Variants in BCAS3 observed in about 807,000 individuals in gnomAD.
BCAS3 encodes BCAS4/BCAS3 fusion.
A neutral mutation model predicts 116.1 loss-of-function variants in BCAS3; 53 were observed. The ratio of observed to expected loss-of-function variants is 0.46; its 90% CI spans 0.37 to 0.57. The LOEUF (loss-of-function observed/expected upper bound fraction) is 0.57, where lower values mean the gene tolerates loss of function less well. BCAS3 is among the 20% of genes least tolerant of loss of function. The pLI, the probability that BCAS3 is intolerant of heterozygous loss-of-function variation, is 0.00. For synonymous variants in BCAS3, 391 were observed against 408.2 expected, an observed-to-expected ratio of 0.96 and a Z score of 0.51; for missense variants, 917 against 1,165.4, an observed-to-expected ratio of 0.79 and a Z score of 3.10.
intron 7 of BCAS3, among the ~76,000 whole-genome samples, chr17:60,815,902 T>G (rs1451942557): frequency 6.6e-6 from 1 of 152,238 alleles, no homozygotes; most frequent in East Asian, 1.9e-4. Context: ...TAGGAGACCC[T>G]CGAATATATA....
At position 60,709,338 on chromosome 17, in the gene BCAS3, G is replaced by T; in HGVS notation, c.321+13G>T. The T allele has an allele frequency of 2.1e-6, 3 of 1,432,346 alleles. No homozygotes were observed. Among genetic ancestry groups the T allele is most frequent in the Middle Eastern group, 1.7e-4 (1 of 5,754 alleles). 88.7% of individuals were successfully genotyped at this position (1,432,346 alleles called of 1,614,324 possible). A position where few individuals can be genotyped will look rare whatever the true frequency, so the allele number is the denominator to read the frequency against. ...CTGGAGCATCCCTGTAAGTACACATGTGGTTGAATACCTAAAACATACTTC... is the reference window on the plus strand; with the variant it reads ...CTGGAGCATCCCTGTAAGTACACATTTGGTTGAATACCTAAAACATACTTC... On this transcript the variant is annotated intron_variant, in intron 5 of 23. Coordinates refer to ENST00000407086, the MANE Select transcript of BCAS3 (RefSeq NM_017679.5).
At chr17:60,984,220 A>G (rs2062984839) in intron 14 of BCAS3, among the ~76,000 whole-genome samples, 1 of 152,234 alleles carries the variant, frequency 6.6e-6, no homozygotes, top group Non-Finnish European at 1.5e-5. Flanking sequence ...GCAGTTTTCT[A>G]GCAATGAAGT....
chr17:61,267,271 A>G (rs1602293404), intron 22 of BCAS3, among the ~76,000 whole-genome samples: 1 of 146,188 alleles, frequency 6.8e-6, no homozygotes, highest in South Asian at 2.3e-4. Context: ...GTTAGCCAGG[A>G]TGGTCTCGAT....
At position 60,990,198 on chromosome 17, in the gene BCAS3, A is replaced by T; in HGVS notation, c.1449A>T (p.Pro483=). 1 of 1,614,172 alleles carries T rather than the reference A, an allele frequency of 6.2e-7. No homozygotes were observed. Among genetic ancestry groups the T allele is most frequent in the Non-Finnish European group, 8.5e-7 (1 of 1,180,038 alleles). ...AAGGAGGTCGCTGTAGCCCTGTTCC[A>T]GGTCTATCAAGCAGCCCTTCTGGGT... ...SKQGGRCSPV[P]GLSSSPSGSP... The change falls in exon 15 of 24, where the codon CCA becomes CCT. Residue 483 remains proline, a synonymous_variant. Coordinates refer to ENST00000407086, the MANE Select transcript of BCAS3 (RefSeq NM_017679.5). The surrounding 1 kb of genome is among the most constrained non-coding windows in gnomAD (Gnocchi z 5.1).
intron 7 of BCAS3, chr17:60,810,921 C>T: frequency 1.4e-6 from 1 of 695,948 alleles, no homozygotes; most frequent in Non-Finnish European, 2.6e-6. Flanking sequence ...TGGCAGACAT[C>T]TGGGCCCAAT....
At position 61,337,669 on chromosome 17, in the gene BCAS3, GT is replaced by G. The variant is rs1555836466; in HGVS notation, c.2426-30649del. The stretch of plus-strand genomic sequence containing the variant: ...GAATGTTGGTGGGATTGTTTTTATT[GT>G]TTTTTTTTCCTTTTTCTTTTTGCGC... On this transcript the variant is annotated intron_variant, in intron 22 of 23. Coordinates refer to ENST00000407086, the MANE Select transcript of BCAS3 (RefSeq NM_017679.5). This position sits in a 1 kb window ranked among gnomAD's most constrained non-coding sequence, Gnocchi z 4.8. 6.6e-6 allele frequency among the ~76,000 whole-genome samples: 1 copy of G among 150,606 alleles called. No homozygotes were observed. Among genetic ancestry groups the G allele is most frequent in the African/African-American group, 2.4e-5 (1 of 40,942 alleles).
intron 5 of BCAS3, among the ~76,000 whole-genome samples, chr17:60,723,751 C>T (rs2144110583): frequency 1.6e-5 from 2 of 126,054 alleles, no homozygotes; most frequent in African/African-American, 3.0e-5. Context: ...TGAAGTCTCG[C>T]TCTGTTGCCC....
chr17:60,825,327 A>T (rs1157685127), intron 7 of BCAS3, among the ~76,000 whole-genome samples: 2 of 151,542 alleles, frequency 1.3e-5, no homozygotes, highest in African/African-American at 4.8e-5. Context: ...CATTTTGAAA[A>T]TATAGATAAT....
chr17:60,707,568 T>C (rs1468078314), intron 4 of BCAS3, among the ~76,000 whole-genome samples: 1 of 152,222 alleles, frequency 6.6e-6, no homozygotes, highest in African/African-American at 2.4e-5. Flanking sequence ...CAGTGTTGAA[T>C]ATAAGTTTTA....
In BCAS3 at chr17:61,322,794, C is replaced by CAGAG. The variant is rs35581770; in HGVS notation, c.2426-45501_2426-45498dup. Among the ~76,000 whole-genome samples, 693 of 99,660 alleles carry CAGAG rather than the reference C, an allele frequency of 7.0e-3. 21 individuals carry two copies. The highest frequency in any genetic ancestry group is 0.022 in the African/African-American group (519 of 24,126). The allele number at this position is 99,660 out of a possible 152,430, so 65.4% of individuals were successfully genotyped here. A position where few individuals can be genotyped will look rare whatever the true frequency, so the allele number is the denominator to read the frequency against. On this transcript the variant is annotated intron_variant, in intron 22 of 23. Transcript: ENST00000407086. ...TTAAGCCTCTCTTGAGAGAGAGAGACAGAGAGAGAGAGAGAGAGAGAGAGA... is the reference window on the plus strand; with the variant it reads ...TTAAGCCTCTCTTGAGAGAGAGAGACAGAGAGAGAGAGAGAGAGAGAGAGAGAGA...
intron 9 of BCAS3, among the ~76,000 whole-genome samples, 167 bp downstream of exon 9, chr17:60,874,905 A>G (rs1312816341): frequency 1.3e-5 from 2 of 152,090 alleles, no homozygotes; most frequent in Non-Finnish European, 2.9e-5. Flanking sequence ...CTTGTATGAT[A>G]TATATTTTCA....
At chr17:60,760,497 G>GT (rs59832943) in intron 6 of BCAS3, among the ~76,000 whole-genome samples, 180 of 127,384 alleles carry the variant, frequency 1.4e-3, no homozygotes, top group South Asian at 4.5e-3. Flanking sequence ...AGGTTTTTTT[G>GT]TTTTTTTTTT....
intron 5 of BCAS3, among the ~76,000 whole-genome samples, chr17:60,710,598 A>C (rs2037763705): frequency 6.6e-6 from 1 of 151,578 alleles, no homozygotes; most frequent in African/African-American, 2.4e-5. Flanking sequence ...CGCCTGGCTA[A>C]TTTTTTGTAT....
At chr17:60,750,717 G>A (rs1408798266) in intron 6 of BCAS3, among the ~76,000 whole-genome samples, 1 of 152,136 alleles carries the variant, frequency 6.6e-6, no homozygotes, top group Non-Finnish European at 1.5e-5. Flanking sequence ...CCCCTCACTA[G>A]TCATCACAAC....
At chr17:61,080,736 G>A (rs2072519238) in intron 21 of BCAS3, among the ~76,000 whole-genome samples, 1 of 152,064 alleles carries the variant, frequency 6.6e-6, no homozygotes, top group Admixed American at 6.6e-5. Context: ...TTCTAGCCTG[G>A]GCAACAGAGT....
chr17:61,243,066 C>A lies in BCAS3; in HGVS notation c.2426-125261C>A, dbSNP rs574821189. Among the ~76,000 whole-genome samples the A allele has an allele frequency of 6.6e-6, 1 of 152,206 alleles. No homozygotes were observed. Among genetic ancestry groups the A allele is most frequent in the Admixed American group, 6.5e-5 (1 of 15,286 alleles). Reference sequence around the variant, plus strand: ...AGCTGGGACTACAGGCGCGCACCACCACACCCATCTAATTTTTGTATTTTT... The same window carrying A: ...AGCTGGGACTACAGGCGCGCACCACAACACCCATCTAATTTTTGTATTTTT... On this transcript the variant is annotated intron_variant, in intron 22 of 23. Transcript: ENST00000407086. This position sits in a 1 kb window ranked among gnomAD's most constrained non-coding sequence, Gnocchi z 5.6.
rs1163639151 is a variant in BCAS3 at position 61,239,562 on chromosome 17, TA to T, written c.2426-128760del. On this transcript the variant is annotated intron_variant, in intron 22 of 23. Transcript: ENST00000407086. This position sits in a 1 kb window ranked among gnomAD's most constrained non-coding sequence, Gnocchi z 4.2. The stretch of plus-strand genomic sequence containing the variant: ...TTTATCAGTGGCTCCAAGATTAATA[TA>T]AAAAGAGAACTTCATTTACTCTGAG... 6.6e-6 allele frequency among the ~76,000 whole-genome samples: 1 copy of T among 152,202 alleles called. No individual in the cohort carries two copies. Among genetic ancestry groups the T allele is most frequent in the Non-Finnish European group, 1.5e-5 (1 of 68,026 alleles).
At chr17:61,079,970 C>A (rs1165753389) in intron 21 of BCAS3, among the ~76,000 whole-genome samples, 1 of 144,978 alleles carries the variant, frequency 6.9e-6, no homozygotes, top group East Asian at 2.0e-4. Flanking sequence ...CAGTTCACTG[C>A]AACATCTAGA....
In BCAS3 at chr17:61,300,413, C is replaced by T. The variant is rs756831739; in HGVS notation, c.2426-67914C>T. Among the ~76,000 whole-genome samples the T allele has an allele frequency of 4.6e-5, 7 of 152,132 alleles. No individual in the cohort carries two copies. Among genetic ancestry groups the T allele is most frequent in the Non-Finnish European group, 7.3e-5 (5 of 68,040 alleles). ...CTCCCTAAGCTCCCAGAAGGCATTA[C>T]TCAGGTGACATTTGGGGAAGGAAAT... On this transcript the variant is annotated intron_variant, in intron 22 of 23. Transcript: ENST00000407086. This position sits in a 1 kb window ranked among gnomAD's most constrained non-coding sequence, Gnocchi z 5.1.
Sources: allele counts gnomAD v4.1 joint callset (sites outside exome capture counted in the v4.1 genomes callset), GRCh38; gene constraint gnomAD v4.1.1; non-coding constraint Gnocchi (gnomAD v3.1); transcripts MANE v1.5; gene names NCBI Gene and HGNC (gene_info 2026-07-23, HGNC 2026-07-21).